The following SLX4IP variants were observed in gnomAD, a reference collection of about 807,000 sequenced individuals.
SLX4IP encodes the protein SLX4 interacting protein.
SLX4IP carries 34 observed loss-of-function variants against 32.9 expected under a neutral mutation model. The ratio of observed to expected loss-of-function variants is 1.03; its 90% CI spans 0.79 to 1.38. SLX4IP has a LOEUF of 1.38. SLX4IP is among the 40% of genes most tolerant of loss of function. The pLI is 0.00. For synonymous variants in SLX4IP, 172 were observed against 171.7 expected (o/e 1.00, Z -0.01); for missense variants, 444 against 479.0 (o/e 0.93, Z 0.68).
chr20:10,493,881 T>TTTTTTTTTA (rs2065646151), intron 2 of SLX4IP, among the ~76,000 whole-genome samples: 1 of 147,368 alleles, frequency 6.8e-6, no homozygotes, highest in African/African-American at 2.5e-5. Context: ...TTTTTTTTTT[T>TTTTTTTTTA]GAGTCAGGGT....
chr20:10,589,564 G>C (rs527355084), intron 4 of SLX4IP, among the ~76,000 whole-genome samples: 67 of 152,200 alleles, frequency 4.4e-4, no homozygotes, highest in Non-Finnish European at 8.2e-4. Context: ...CAGAAAGAGA[G>C]GTCTGTGTAT....
chr20:10,600,902 A>G (rs1476961996), intron 5 of SLX4IP, among the ~76,000 whole-genome samples: 1 of 152,172 alleles, frequency 6.6e-6, no homozygotes, highest in Non-Finnish European at 1.5e-5. Context: ...CCTGGAACAT[A>G]CCCTGTTGGC....
At chr20:10,538,405 G>A (rs753496253) in intron 2 of SLX4IP, among the ~76,000 whole-genome samples, 12 of 152,274 alleles carry the variant, frequency 7.9e-5, no homozygotes, top group Non-Finnish European at 1.5e-4. Flanking sequence ...CTACCCATTA[G>A]ATGCCAGCTG....
chr20:10,464,612 A>G (rs76690172), intron 2 of SLX4IP, among the ~76,000 whole-genome samples: 5,268 of 152,298 alleles, frequency 0.035, 133 homozygotes, highest in East Asian at 0.086. Context: ...GACTGGGTTG[A>G]AAAGTACTTG....
At chr20:10,530,023 C>T (rs1489756341) in intron 2 of SLX4IP, among the ~76,000 whole-genome samples, 2 of 152,174 alleles carry the variant, frequency 1.3e-5, no homozygotes, top group African/African-American at 2.4e-5. Context: ...GCCGAGCCAG[C>T]ACTCAGACAC....
At chr20:10,584,257 T>A in intron 4 of SLX4IP, among the ~76,000 whole-genome samples, 1 of 152,206 alleles carries the variant, frequency 6.6e-6, no homozygotes, top group Non-Finnish European at 1.5e-5. Context: ...TGAGCTAATA[T>A]GCATTGCCTT....
At chr20:10,436,003 A>G (rs2122306525) in intron 1 of SLX4IP, among the ~76,000 whole-genome samples, 1 of 152,308 alleles carries the variant, frequency 6.6e-6, no homozygotes, top group South Asian at 2.1e-4. Context: ...GCTAGACTGT[A>G]TAAACAAGTA....
intron 2 of SLX4IP, among the ~76,000 whole-genome samples, chr20:10,528,585 A>T (rs954269448): frequency 6.6e-6 from 1 of 152,066 alleles, no homozygotes; most frequent in South Asian, 2.1e-4. Flanking sequence ...TTTTCTTTTT[A>T]AAAAAAATTC....
chr20:10,440,364 A>G (rs2094264068), intron 1 of SLX4IP, among the ~76,000 whole-genome samples: 1 of 152,068 alleles, frequency 6.6e-6, no homozygotes, highest in Non-Finnish European at 1.5e-5. Flanking sequence ...CTGAGGTGGG[A>G]GAGTTGCTTG....
chr20:10,623,941 T>C lies in SLX4IP; in HGVS notation c.*562T>C, dbSNP rs2067145262. The C allele has an allele frequency of 6.5e-6, 1 of 153,320 alleles. No individual in the cohort carries two copies. The allele number at this position is 153,320 out of a possible 1,614,324, so 9.5% of individuals were successfully genotyped here. ...ATGCTGAGTAACTGCCTTTGGGTGA[T>C]TCTGAAACATGCTCGCGTTTGAGAA... On this transcript the variant is annotated 3_prime_UTR_variant, in exon 8 of 8. Transcript: ENST00000334534.
At chr20:10,466,922 A>T (rs757742912) in intron 2 of SLX4IP, among the ~76,000 whole-genome samples, 6 of 152,096 alleles carry the variant, frequency 3.9e-5, no homozygotes, top group Non-Finnish European at 8.8e-5. Context: ...CAGAGCAATT[A>T]TAGTTTTATA....
chr20:10,449,125 C>G (rs2065223135), intron 1 of SLX4IP, among the ~76,000 whole-genome samples: 1 of 152,216 alleles, frequency 6.6e-6, no homozygotes, highest in African/African-American at 2.4e-5. Context: ...ATGCCTAGTG[C>G]TGTCATAAAC....
rs1239910200 is a variant in SLX4IP at position 10,621,382 on chromosome 20, T to G, written c.474T>G (p.Ser158Arg). 1.4e-5 allele frequency: 23 copies of G among 1,614,192 alleles called. No individual in the cohort carries two copies. The highest frequency in any genetic ancestry group is 1.9e-5 in the Non-Finnish European group (23 of 1,180,038). ...GTGCAGAGAGTTCACTTCCTCCCAG[T>G]GCAAAGCTCCGGAGAAATGCTCTGA... ...AECAESSLPPSAKLRRNALKE... is the reference protein window; with the variant it reads ...AECAESSLPPRAKLRRNALKE... The change falls in exon 7 of 8, where the codon AGT becomes AGG. Residue 158 changes from serine (S) to arginine (R), a missense_variant. By Grantham distance (110) the Ser-to-Arg change is moderately radical. Coordinates refer to ENST00000334534, the MANE Select transcript of SLX4IP (RefSeq NM_001009608.3).
At chr20:10,614,310 T>G (rs1286487261) in intron 6 of SLX4IP, 1 of 588,378 alleles carries the variant, frequency 1.7e-6, no homozygotes, top group Non-Finnish European at 3.0e-6. Flanking sequence ...AGAACAATTT[T>G]AAAGACATTG....
chr20:10,578,797 G>A (rs1287712701), intron 4 of SLX4IP, among the ~76,000 whole-genome samples: 1 of 152,124 alleles, frequency 6.6e-6, no homozygotes, highest in Non-Finnish European at 1.5e-5. Flanking sequence ...TCTCATTGTG[G>A]TTTTGATTCC....
At chr20:10,513,160 T>C (rs1424100039) in intron 2 of SLX4IP, among the ~76,000 whole-genome samples, 1 of 151,888 alleles carries the variant, frequency 6.6e-6, no homozygotes, top group Non-Finnish European at 1.5e-5. Flanking sequence ...TTTTTGGGAG[T>C]AGTGCCTGTG....
At chr20:10,473,883 C>A (rs1033600713) in intron 2 of SLX4IP, among the ~76,000 whole-genome samples, 1 of 149,860 alleles carries the variant, frequency 6.7e-6, no homozygotes, top group Non-Finnish European at 1.5e-5. Flanking sequence ...AGTGTGGTGG[C>A]GTGATCTTGG....
intron 2 of SLX4IP, among the ~76,000 whole-genome samples, chr20:10,506,683 G>A (rs542625256): frequency 1.3e-5 from 2 of 152,142 alleles, no homozygotes; most frequent in Non-Finnish European, 2.9e-5. Flanking sequence ...TCTCTTAGGG[G>A]TCTCACATTC....
chr20:10,448,149 C>T (rs1568685246), intron 1 of SLX4IP, among the ~76,000 whole-genome samples: 1 of 152,142 alleles, frequency 6.6e-6, no homozygotes, highest in Non-Finnish European at 1.5e-5. Flanking sequence ...CTTCTATGTT[C>T]ACTCATAGAA....
Sources: allele counts gnomAD v4.1 joint callset (sites outside exome capture counted in the v4.1 genomes callset), GRCh38; gene constraint gnomAD v4.1.1; transcripts MANE v1.5; gene names NCBI Gene and HGNC (gene_info 2026-07-23, HGNC 2026-07-21).